ANK2: variants seen among roughly 807,000 people sequenced by gnomAD.
ANK2 encodes the protein ankyrin 2, also known as ankyrin-2.
ANK2 carries 83 observed loss-of-function variants against 360.5 expected under a neutral mutation model. That is an observed-to-expected ratio of 0.23 (90% CI 0.19 to 0.28). ANK2 has a LOEUF of 0.28. Among genes scored for constraint, ANK2 ranks in the 10% least tolerant of loss-of-function variants. The pLI is 1.00. For synonymous variants in ANK2, 1,740 were observed against 1,759.5 expected (o/e 0.99, Z 0.28); for missense variants, 4,201 against 4,795.7 (o/e 0.88, Z 3.66).
At chr4:112,985,991 A>G (rs1178138750) in intron 2 of ANK2, among the ~76,000 whole-genome samples, 1 of 148,342 alleles carries the variant, frequency 6.7e-6, no homozygotes, top group African/African-American at 2.4e-5. Context: ...GAAATAAAAA[A>G]TAAAATTATA....
At chr4:113,342,756 T>G (rs2094441652) in intron 33 of ANK2, among the ~76,000 whole-genome samples, 1 of 152,170 alleles carries the variant, frequency 6.6e-6, no homozygotes, top group Admixed American at 6.5e-5. Context: ...AAATGTATTT[T>G]GGGGTTGTGG....
In ANK2 at chr4:112,957,461, G is replaced by A. The variant is rs1021627477; in HGVS notation, c.21+52947G>A. Among the ~76,000 whole-genome samples, 18 of 152,212 alleles carry A rather than the reference G, an allele frequency of 1.2e-4. No homozygotes were observed. The East Asian group carries it at 1.9e-3, about 16-fold the overall frequency. On this transcript the variant is annotated intron_variant, in intron 2 of 30. Coordinates refer to the ANK2 transcript ENST00000503271. The stretch of plus-strand genomic sequence containing the variant: ...CATCCGATTTCTCAATCTTTTCCCC[G>A]CCTTTCCCCCCTTTCTATTCCACAA...
chr4:113,176,517 T>C (rs1340826048), intron 2 of ANK2, among the ~76,000 whole-genome samples: 1 of 152,142 alleles, frequency 6.6e-6, no homozygotes, highest in Admixed American at 6.5e-5. Flanking sequence ...GATACATTAG[T>C]TACCTTAAGA....
upstream of ANK2, chr4:112,818,067 T>C (rs945581947): frequency 2.6e-5 from 4 of 152,226 alleles, no homozygotes; most frequent in Non-Finnish European, 5.9e-5. Context: ...CATGTGGTGC[T>C]CTGTGGGCAG....
intron 4 of ANK2, among the ~76,000 whole-genome samples, chr4:113,201,261 T>C (rs1444244837): frequency 2.0e-5 from 3 of 152,170 alleles, no homozygotes; most frequent in Non-Finnish European, 4.4e-5. Flanking sequence ...TTTCAAACTT[T>C]AGTCTGCATC....
At chr4:113,287,839 C>A in intron 19 of ANK2, 136 bp downstream of exon 19, 1 of 766,450 alleles carries the variant, frequency 1.3e-6, no homozygotes, top group South Asian at 1.5e-5. Context: ...TCATAACCCT[C>A]TCCTATGCAC....
chr4:113,078,224 T>C (rs1275387467), intron 1 of ANK2, among the ~76,000 whole-genome samples: 1 of 152,244 alleles, frequency 6.6e-6, no homozygotes, highest in Non-Finnish European at 1.5e-5. Flanking sequence ...CTTATGCTAC[T>C]TTGTAATGTG....
chr4:113,176,872 C>T (rs1340889554), intron 2 of ANK2, among the ~76,000 whole-genome samples: 3 of 152,072 alleles, frequency 2.0e-5, no homozygotes, highest in Non-Finnish European at 1.5e-5. Flanking sequence ...TGAGTGAGAA[C>T]ATGCGGTGTT....
intron 30 of ANK2, chr4:113,336,323 T>C (rs2093527762): frequency 3.5e-6 from 2 of 579,600 alleles, no homozygotes; most frequent in South Asian, 5.0e-5. Flanking sequence ...AGCTTTTAAA[T>C]GAGAAATAAA....
intron 14 of ANK2, among the ~76,000 whole-genome samples, chr4:113,270,876 A>T (rs1052276131): frequency 2.0e-5 from 3 of 152,180 alleles, no homozygotes; most frequent in Admixed American, 6.5e-5. Context: ...TACTTTCACC[A>T]TGTGTGTTTT....
chr4:112,905,493 A>G (rs945163592), intron 2 of ANK2, among the ~76,000 whole-genome samples: 6 of 152,236 alleles, frequency 3.9e-5, no homozygotes, highest in Non-Finnish European at 8.8e-5. Flanking sequence ...TGAAGATAAG[A>G]TAAAAGGAGT....
At chr4:113,271,844 C>T (rs1223508283) in intron 14 of ANK2, among the ~76,000 whole-genome samples, 1 of 152,204 alleles carries the variant, frequency 6.6e-6, no homozygotes, top group Admixed American at 6.5e-5. Flanking sequence ...GCCTCAGTTC[C>T]TCTGTCAGCC....
In ANK2 at chr4:113,102,436, C is replaced by A. The variant is rs1383962977; in HGVS notation, c.84+52624C>A. ...AAGAGGCTAGAACCAGAGATAGGAA[C>A]TTTGGATTGAGCACATATATGAGAT... On this transcript the variant is annotated intron_variant, in intron 1 of 45. Transcript: ENST00000357077. Among the ~76,000 whole-genome samples the A allele has an allele frequency of 3.9e-5, 6 of 152,044 alleles. No homozygotes were observed. In the East Asian group the frequency reaches 9.7e-4, roughly 25 times the overall value.
At chr4:113,128,235 T>A (rs781310892) in intron 1 of ANK2, among the ~76,000 whole-genome samples, 1 of 152,232 alleles carries the variant, frequency 6.6e-6, no homozygotes, top group Admixed American at 6.5e-5. Context: ...AAATTCTGGA[T>A]GTCTGATCCC....
intron 2 of ANK2, among the ~76,000 whole-genome samples, chr4:113,194,609 C>T (rs1394762867): frequency 6.6e-6 from 1 of 151,966 alleles, no homozygotes; most frequent in Non-Finnish European, 1.5e-5. Context: ...TGTAGCATTA[C>T]CATCTTTTTT....
At chr4:112,932,280 T>A (rs1186036343) in intron 2 of ANK2, among the ~76,000 whole-genome samples, 2 of 151,796 alleles carry the variant, frequency 1.3e-5, no homozygotes, top group African/African-American at 2.4e-5. Context: ...TCACCTGAGG[T>A]CAGGAGTTCG....
the ANK2 span, among the ~76,000 whole-genome samples, chr4:112,728,826 G>T: frequency 6.6e-6 from 1 of 152,114 alleles, no homozygotes; most frequent in Non-Finnish European, 1.5e-5. Flanking sequence ...TAAGGAGATT[G>T]AATCAATAAA....
At chr4:113,236,314 C>T (rs2099383664) in intron 5 of ANK2, among the ~76,000 whole-genome samples, 1 of 152,022 alleles carries the variant, frequency 6.6e-6, no homozygotes, top group Non-Finnish European at 1.5e-5. Context: ...GTTTTTTAAG[C>T]TGTCTTTTTA....
intron 24 of ANK2, among the ~76,000 whole-genome samples, chr4:113,315,768 A>T (rs367834057): frequency 1.4e-4 from 22 of 151,934 alleles, no homozygotes; most frequent in South Asian, 6.2e-4. Context: ...GCGTGGTGGC[A>T]GGCGCCTGTA....
Sources: gnomAD v4.1 joint callset for allele counts (sites outside exome capture counted in the v4.1 genomes callset) on GRCh38, gnomAD v4.1.1 for gene constraint, MANE v1.5 for transcripts, NCBI Gene and HGNC (gene_info 2026-07-23, HGNC 2026-07-21) for gene names.